SLC12A2: variants seen among roughly 807,000 people sequenced by gnomAD.
SLC12A2 encodes Na-K-2Cl cotransporter 1.
A neutral mutation model predicts 136.3 loss-of-function variants in SLC12A2; 67 were observed. The observed-to-expected ratio is 0.49, with a 90% CI of 0.40 to 0.60. SLC12A2 has a LOEUF of 0.60. Among genes scored for constraint, SLC12A2 ranks in the 20% least tolerant of loss-of-function variants. SLC12A2 has a pLI of 0.00. For missense variants in SLC12A2, 1,322 were observed against 1,534.7 expected (o/e 0.86, Z 2.32); for synonymous variants, 619 against 562.9 (o/e 1.10, Z -1.41).
At chr5:128,113,561 G>T (rs1581073660) in intron 2 of SLC12A2, among the ~76,000 whole-genome samples, 2 of 152,184 alleles carry the variant, frequency 1.3e-5, no homozygotes, top group East Asian at 1.9e-4. Flanking sequence ...GAATTTCAGG[G>T]AGAAATAGAG....
At chr5:128,171,975 C>A (rs1763389783) in intron 19 of SLC12A2, 1 of 356,846 alleles carries the variant, frequency 2.8e-6, no homozygotes, top group East Asian at 4.7e-5. Context: ...AAAATTCAAT[C>A]CAAAGCATAA....
At chr5:128,176,641 A>G (rs545645859) in intron 20 of SLC12A2, among the ~76,000 whole-genome samples, 5 of 152,104 alleles carry the variant, frequency 3.3e-5, no homozygotes, top group African/African-American at 1.2e-4. Context: ...TAATATTTCA[A>G]GTGTGATTAA....
Position 128,099,369 on chromosome 5 carries a change from A to T in SLC12A2, c.757-13445A>T, listed in dbSNP as rs571735937. ...AGATAAAATGGTACACATGTGTAGG[A>T]TACTTACTATTGAATGGAGCTTGCA... On this transcript the variant is annotated intron_variant, in intron 1 of 26. Coordinates refer to ENST00000262461, the MANE Select transcript of SLC12A2 (RefSeq NM_001046.3). Among the ~76,000 whole-genome samples the T allele has an allele frequency of 1.1e-4, 16 of 152,304 alleles. No homozygotes were observed. The South Asian group carries it at 3.1e-3, about 30-fold the overall frequency.
chr5:128,185,375 C>G (rs1002295190), intron 26 of SLC12A2, among the ~76,000 whole-genome samples: 2 of 152,124 alleles, frequency 1.3e-5, no homozygotes, highest in South Asian at 2.1e-4. Context: ...GGCTCTTCCT[C>G]TACTGAACTA....
In SLC12A2 at chr5:128,186,536, C is replaced by G. The variant is rs769381834; in HGVS notation, c.3544C>G (p.Leu1182Val). 6 of 1,612,370 alleles carry G rather than the reference C, an allele frequency of 3.7e-6. No individual in the cohort carries two copies. The highest frequency in any genetic ancestry group is 1.1e-5 in the South Asian group (1 of 91,050). The change falls in exon 27 of 27, where the codon CTC (leucine) becomes GTC (valine). Residue 1182 changes from leucine to valine, a missense_variant. Leu to Val is a conservative substitution (Grantham distance 32). This residue lies in a region of SLC12A2 where 172 missense variants were observed against 227.4 expected (regional missense o/e 0.76). Coordinates refer to ENST00000262461, the MANE Select transcript of SLC12A2 (RefSeq NM_001046.3). ...VARKGAVSSALYMAWLEALSK... is the reference protein window; with the variant it reads ...VARKGAVSSAVYMAWLEALSK... ...ACGAAAAGGTGCTGTGTCTAGTGCT[C>G]TCTACATGGCATGGTTAGAAGCTCT...
intron 4 of SLC12A2, among the ~76,000 whole-genome samples, chr5:128,126,342 T>G (rs1187442753): frequency 6.6e-6 from 1 of 152,154 alleles, no homozygotes; most frequent in Non-Finnish European, 1.5e-5. Flanking sequence ...TCACTGGTCA[T>G]CAGAGAAATG....
chr5:128,138,579 A>G lies in SLC12A2; in HGVS notation c.1409-18A>G, dbSNP rs751173273. 6.2e-7 allele frequency: 1 copy of G among 1,600,054 alleles called. No individual in the cohort carries two copies. Among genetic ancestry groups the G allele is most frequent in the South Asian group, 1.1e-5 (1 of 88,310 alleles). ...ATTTGCTCTCCATTAATTGTCAAGA[A>G]TATTTTGTTCTCTGCAGCTGAAATA... On this transcript the variant is annotated intron_variant, in intron 7 of 26. Transcript: ENST00000262461.
intron 5 of SLC12A2, 66 bp downstream of exon 5, chr5:128,131,272 C>G (rs1259178422): frequency 6.6e-7 from 1 of 1,511,578 alleles, no homozygotes; most frequent in Non-Finnish European, 9.2e-7. Flanking sequence ...TGCCGATCAC[C>G]ATGTTAGAGG....
At chr5:128,117,334 G>A (rs1581078172) in intron 4 of SLC12A2, among the ~76,000 whole-genome samples, 2 of 152,208 alleles carry the variant, frequency 1.3e-5, no homozygotes, top group East Asian at 3.9e-4. Flanking sequence ...GAAAATATAT[G>A]AAAATATGGA....
intron 1 of SLC12A2, among the ~76,000 whole-genome samples, chr5:128,104,809 A>G (rs1265802739): frequency 6.6e-6 from 1 of 152,034 alleles, no homozygotes; most frequent in African/African-American, 2.4e-5. Flanking sequence ...TAGATGCTGT[A>G]TACCCTGGGA....
rs1761804383 is a variant in SLC12A2, at chr5:128,126,600, A to G, written c.1049-4467A>G. On this transcript the variant is annotated intron_variant, in intron 4 of 26. Transcript: ENST00000262461. Reference sequence around the variant, plus strand: ...TGTTTGTTGCAGCACTGTTCACAATAGCCAAGATTTGTCATCTGAATAGAG... The same window carrying G: ...TGTTTGTTGCAGCACTGTTCACAATGGCCAAGATTTGTCATCTGAATAGAG... Among the ~76,000 whole-genome samples the G allele has an allele frequency of 3.3e-5, 5 of 152,174 alleles. No homozygotes were observed. The South Asian group carries it at 1.0e-3, about 32-fold the overall frequency.
chr5:128,160,453 G>T (rs897350973), intron 16 of SLC12A2, among the ~76,000 whole-genome samples: 2 of 152,028 alleles, frequency 1.3e-5, no homozygotes. Flanking sequence ...AAAAATGGGG[G>T]TTGGAAGAAA....
chr5:128,138,706 TATCTC>T lies in SLC12A2; in HGVS notation c.1520_1524del (p.Ile507ArgfsTer2). The T allele has an allele frequency of 6.2e-7, 1 of 1,613,650 alleles. No individual in the cohort carries two copies. Among genetic ancestry groups the T allele is most frequent in the Non-Finnish European group, 8.5e-7 (1 of 1,179,756 alleles). On this transcript the variant is annotated frameshift_variant, in exon 8 of 27. Transcript: ENST00000262461. LOFTEE classifies it high-confidence loss of function. ...CAACTGGTATTCTGGCTGGAGCAAA[TATCTC>T]AGGTGATCTTGCAGTAAGTATTATA...
In SLC12A2 at chr5:128,178,623, A is replaced by C; in HGVS notation, c.3034A>C (p.Ser1012Arg). The C allele has an allele frequency of 1.2e-6, 2 of 1,601,826 alleles. No homozygotes were observed. The highest frequency in any genetic ancestry group is 1.7e-6 in the Non-Finnish European group (2 of 1,173,194). ...NVADQKLLEA[S>R]TQFQKKQGKN... The stretch of plus-strand genomic sequence containing the variant: ...AGCTGACCAAAAGCTTCTTGAAGCT[A>C]GTACACAGTTTCAGAAAAAACAAGG... Residue 1012 changes from serine (S) to arginine (R), a missense_variant, in exon 22 of 27, where the codon AGT becomes CGT. Ser to Arg is a moderately radical substitution (Grantham distance 110, BLOSUM62 -1). This residue lies in a region of SLC12A2 where 226 missense variants were observed against 210.4 expected (regional missense o/e 1.07). Transcript: ENST00000262461.
chr5:128,146,151 A>G (rs989604581), intron 10 of SLC12A2, among the ~76,000 whole-genome samples: 3 of 151,828 alleles, frequency 2.0e-5, no homozygotes, highest in African/African-American at 7.2e-5. Flanking sequence ...TTTTCTCCTC[A>G]AATAAGTTAT....
At chr5:128,180,042 C>T (rs1763657973) in intron 22 of SLC12A2, among the ~76,000 whole-genome samples, 1 of 141,426 alleles carries the variant, frequency 7.1e-6, no homozygotes, top group Non-Finnish European at 1.5e-5. Context: ...CAATCTCGGC[C>T]CACTGAAAGC....
chr5:128,185,343 T>C (rs190175812), intron 26 of SLC12A2, among the ~76,000 whole-genome samples: 277 of 152,264 alleles, frequency 1.8e-3, no homozygotes, highest in African/African-American at 6.3e-3. Flanking sequence ...TTGAGTTAAA[T>C]ATGATACTAA....
intron 1 of SLC12A2, among the ~76,000 whole-genome samples, chr5:128,088,879 A>G (rs947631444): frequency 1.3e-5 from 2 of 152,164 alleles, no homozygotes; most frequent in Admixed American, 1.3e-4. Flanking sequence ...ATAGAAACAG[A>G]AGAAATTGGC....
intron 15 of SLC12A2, among the ~76,000 whole-genome samples, chr5:128,154,945 C>A (rs942672171): frequency 6.6e-6 from 1 of 151,578 alleles, no homozygotes; most frequent in Non-Finnish European, 1.5e-5. Flanking sequence ...GAACTTTCAC[C>A]TTTTCACTTA....
Sources: allele counts gnomAD v4.1 joint callset (sites outside exome capture counted in the v4.1 genomes callset), GRCh38; gene constraint gnomAD v4.1.1; regional missense constraint gnomAD v4.1.1; transcripts MANE v1.5; gene names NCBI Gene and HGNC (gene_info 2026-07-23, HGNC 2026-07-21).